Variants in CCDC82 observed in about 807,000 individuals in gnomAD.
The protein encoded by CCDC82 is coiled-coil domain containing 82.
In CCDC82, 47 loss-of-function variants were observed where a neutral mutation model predicts 60.6. The ratio of observed to expected loss-of-function variants is 0.77; its 90% CI spans 0.61 to 0.99. The LOEUF is 0.99. Ranked by LOEUF, CCDC82 falls within the 50% of genes least tolerant of loss-of-function variation. CCDC82 has a pLI of 0.00. For missense variants in CCDC82, 588 were observed against 633.0 expected (o/e 0.93, Z 0.76); for synonymous variants, 212 against 207.4 (o/e 1.02, Z -0.19).
At chr11:96,387,047 A>G (rs1866234765) in intron 2 of CCDC82, 1 of 152,268 alleles carries the variant, frequency 6.6e-6, no homozygotes, top group African/African-American at 2.4e-5. Context: ...AAATTTGCGT[A>G]AGCTAAGTGT....
chr11:96,357,280 A>G lies in CCDC82; in HGVS notation c.1566+1713T>C, dbSNP rs1864395443. Reference sequence around the variant, plus strand: ...AGAAAACCTAGGAACAAATTTTTTAAGTGGAGAAATCTCAAAAAAATGAAG... The same window carrying G: ...AGAAAACCTAGGAACAAATTTTTTAGGTGGAGAAATCTCAAAAAAATGAAG... On this transcript the variant is annotated intron_variant, in intron 9 of 9. Transcript: ENST00000646818. 4 of 985,430 alleles carry G rather than the reference A, an allele frequency of 4.1e-6. No individual in the cohort carries two copies. The South Asian group carries it at 1.4e-4, about 35-fold the overall frequency. 61.0% of individuals were successfully genotyped at this position (985,430 alleles called of 1,614,324 possible).
intron 8 of CCDC82, among the ~76,000 whole-genome samples, chr11:96,360,936 G>C (rs1440758911): frequency 6.6e-6 from 1 of 152,166 alleles, no homozygotes; most frequent in African/African-American, 2.4e-5. Flanking sequence ...TCAGATTTTT[G>C]TTCATGGCTC....
At chr11:96,371,212 T>C (rs1865246447) in intron 6 of CCDC82, 75 bp from the exon 7 acceptor site, 2 of 1,024,098 alleles carry the variant, frequency 2.0e-6, no homozygotes. Context: ...ACTTAAAAAT[T>C]TCTTCCCAAC....
At chr11:96,357,695 A>G (rs565729275) in intron 9 of CCDC82, 538 of 985,076 alleles carry the variant, frequency 5.5e-4, no homozygotes, top group Non-Finnish European at 6.2e-4. Flanking sequence ...TGCTATCCCA[A>G]TAGGTTTTGC....
chr11:96,373,567 A>G, intron 5 of CCDC82, 100 bp from the exon 6 acceptor site: 2 of 674,588 alleles, frequency 3.0e-6, no homozygotes, highest in South Asian at 1.9e-5. Flanking sequence ...AAAACTATAG[A>G]TAGCACAAAC....
At chr11:96,353,800 T>C (rs926378854) in intron 9 of CCDC82, 86 bp from the exon 10 acceptor site, 3 of 847,462 alleles carry the variant, frequency 3.5e-6, no homozygotes, top group Non-Finnish European at 5.7e-6. Context: ...ACAATTAGGA[T>C]AAGTCCATTT....
chr11:96,356,856 A>C (rs1007487225), intron 9 of CCDC82: 66 of 985,296 alleles, frequency 6.7e-5, no homozygotes, highest in Non-Finnish European at 8.0e-5. Context: ...AATTAAAGTA[A>C]AATGGCTGAA....
chr11:96,374,868 G>A (rs970445100), intron 5 of CCDC82, among the ~76,000 whole-genome samples: 1 of 151,822 alleles, frequency 6.6e-6, no homozygotes, highest in Admixed American at 6.6e-5. Flanking sequence ...AGATAGATTT[G>A]TCTAATTTCA....
At chr11:96,384,836 A>G (rs929676429) in intron 3 of CCDC82, 75 bp from the exon 4 acceptor site, 5 of 915,784 alleles carry the variant, frequency 5.5e-6, no homozygotes, top group Admixed American at 6.8e-5. Context: ...GGTATAAATT[A>G]TATTTATTTG....
intron 5 of CCDC82, 110 bp from the exon 6 acceptor site, chr11:96,373,577 C>G: frequency 1.7e-6 from 1 of 599,302 alleles, no homozygotes; most frequent in Non-Finnish European, 2.9e-6. Flanking sequence ...ATAGCACAAA[C>G]AGCTTAATCA....
intron 5 of CCDC82, among the ~76,000 whole-genome samples, chr11:96,378,851 T>C (rs147825562): frequency 6.6e-6 from 1 of 152,082 alleles, no homozygotes; most frequent in Non-Finnish European, 1.5e-5. Context: ...AAAGAGACAC[T>C]AATAGGGATT....
chr11:96,381,871 G>A (rs957956853), intron 5 of CCDC82: 2 of 151,672 alleles, frequency 1.3e-5, no homozygotes, highest in East Asian at 3.8e-4. Context: ...TGATGTAAAA[G>A]CAGTGATGGG....
intron 9 of CCDC82, 91 bp from the exon 10 acceptor site, chr11:96,353,805 C>T (rs1465558359): frequency 2.5e-6 from 2 of 808,670 alleles, no homozygotes; most frequent in Non-Finnish European, 4.0e-6. Context: ...TAGGATAAGT[C>T]CATTTCATGG....
At chr11:96,367,316 T>C (rs992370065) in intron 7 of CCDC82, among the ~76,000 whole-genome samples, 5 of 152,236 alleles carry the variant, frequency 3.3e-5, no homozygotes, top group African/African-American at 1.2e-4. Flanking sequence ...TTATACAGAA[T>C]AGAACTTATT....
At position 96,356,387 on chromosome 11, in the gene CCDC82, T is replaced by C. The variant is rs1267371195; in HGVS notation, c.1566+2606A>G. 3.2e-6 allele frequency: 3 copies of C among 948,982 alleles called. No homozygotes were observed. The African/African-American group carries it at 5.3e-5, about 17-fold the overall frequency. 58.8% of individuals were successfully genotyped at this position (948,982 alleles called of 1,614,324 possible). A position where few individuals can be genotyped will look rare whatever the true frequency, so the allele number is the denominator to read the frequency against. ...TTTATCAGTGCATTTAAAATTTACA[T>C]ACAACTGTCACTTGTAACAGTTTTA... On this transcript the variant is annotated intron_variant, in intron 9 of 9. Transcript: ENST00000646818.
chr11:96,361,656 C>T (rs1864667306), intron 8 of CCDC82, among the ~76,000 whole-genome samples: 2 of 152,082 alleles, frequency 1.3e-5, no homozygotes, highest in South Asian at 4.2e-4. Context: ...TTGTTACAGC[C>T]CATTGTATTT....
intron 1 of CCDC82, chr11:96,388,362 G>C (rs1866322890): frequency 6.6e-6 from 1 of 152,160 alleles, no homozygotes; most frequent in Non-Finnish European, 1.5e-5. Context: ...ATTTTATCGA[G>C]CTTCTGTAAT....
At chr11:96,359,409 G>C in intron 8 of CCDC82, 3 of 372,350 alleles carry the variant, frequency 8.1e-6, no homozygotes, top group Non-Finnish European at 1.4e-5. Context: ...ACCGGTATTA[G>C]GGAGCTTACA....
At chr11:96,368,409 CAG>C (rs1207857347) in intron 7 of CCDC82, among the ~76,000 whole-genome samples, 1 of 152,066 alleles carries the variant, frequency 6.6e-6, no homozygotes, top group Non-Finnish European at 1.5e-5. Context: ...AGAGCACAAA[CAG>C]AGTCAGTTTA....
Sources: gnomAD v4.1 joint callset for allele counts (sites outside exome capture counted in the v4.1 genomes callset) on GRCh38, gnomAD v4.1.1 for gene constraint, MANE v1.5 for transcripts, NCBI Gene and HGNC (gene_info 2026-07-23, HGNC 2026-07-21) for gene names.